The following TBC1D19 variants were observed in gnomAD, a reference collection of about 807,000 sequenced individuals.
The protein encoded by TBC1D19 is TBC1 domain family, member 19.
In TBC1D19, 60 loss-of-function variants were observed where a neutral mutation model predicts 89.0. The ratio of observed to expected loss-of-function variants is 0.67; its 90% confidence interval spans 0.55 to 0.84. TBC1D19 has a LOEUF of 0.84. TBC1D19 is among the 40% of genes least tolerant of loss of function. The pLI, the probability that TBC1D19 is intolerant of heterozygous loss-of-function variation, is 0.00. For missense variants in TBC1D19, 500 were observed against 610.8 expected (o/e 0.82, Z 1.91); for synonymous variants, 189 against 199.7 (o/e 0.95, Z 0.45).
At chr4:26,843,667 T>C in the TBC1D19 span, among the ~76,000 whole-genome samples, 24 of 152,106 alleles carry the variant, frequency 1.6e-4, no homozygotes, top group Non-Finnish European at 3.2e-4. Context: ...GATACGATCC[T>C]CAACTACCTT....
intron 4 of TBC1D19, among the ~76,000 whole-genome samples, chr4:26,628,154 C>G (rs955092354): frequency 3.3e-5 from 5 of 152,082 alleles, no homozygotes; most frequent in African/African-American, 1.2e-4. Flanking sequence ...ATCCTTTCCC[C>G]ATTGCTTGTT....
At chr4:26,670,111 G>A (rs1712160869) in intron 9 of TBC1D19, among the ~76,000 whole-genome samples, 1 of 151,566 alleles carries the variant, frequency 6.6e-6, no homozygotes, top group Non-Finnish European at 1.5e-5. Context: ...TGCTATTATA[G>A]TGTTCACTGA....
the TBC1D19 span, among the ~76,000 whole-genome samples, chr4:26,808,727 CAAAAAAAAA>C: frequency 1.1e-5 from 1 of 95,112 alleles, no homozygotes; most frequent in Non-Finnish European, 2.0e-5. Flanking sequence ...GACTCTGTCT[CAAAAAAAAA>C]AAAAAAAAAA....
At position 26,755,360 on chromosome 4, in the gene TBC1D19, T is replaced by C. The variant is rs1719208710; in HGVS notation, c.*413T>C. ...TTTATCTCTAGATAATGTATTGTTT[T>C]GTCTCATAAATTGCTCCTCACTAAG... On this transcript the variant is annotated 3_prime_UTR_variant, in exon 21 of 21. Coordinates refer to ENST00000264866, the MANE Select transcript of TBC1D19 (RefSeq NM_018317.4). 6.6e-6 allele frequency: 1 copy of C among 152,460 alleles called. No individual in the cohort carries two copies. The highest frequency in any genetic ancestry group is 6.5e-5 in the Admixed American group (1 of 15,268). The allele number at this position is 152,460 out of a possible 1,614,324, so 9.4% of individuals were successfully genotyped here. A position where few individuals can be genotyped will look rare whatever the true frequency, so the allele number is the denominator to read the frequency against.
intron 5 of TBC1D19, among the ~76,000 whole-genome samples, chr4:26,637,614 C>T (rs978260438): frequency 3.9e-5 from 6 of 152,026 alleles, no homozygotes; most frequent in African/African-American, 7.2e-5. Context: ...CATCATGATC[C>T]GCCCACCTTG....
the TBC1D19 span, among the ~76,000 whole-genome samples, chr4:26,796,004 C>T: frequency 6.6e-6 from 1 of 152,140 alleles, no homozygotes; most frequent in Non-Finnish European, 1.5e-5. Flanking sequence ...AATGTTAATA[C>T]TGTACACATT....
the TBC1D19 span, among the ~76,000 whole-genome samples, chr4:26,777,648 A>G: frequency 6.6e-6 from 1 of 151,572 alleles, no homozygotes; most frequent in Non-Finnish European, 1.5e-5. Flanking sequence ...AGGGTTTTGC[A>G]GTGTTGGCCA....
Position 26,637,363 on chromosome 4 carries a change from T to G in TBC1D19, c.369+78T>G, listed in dbSNP as rs551492834. The G allele has an allele frequency of 2.6e-6, 3 of 1,135,750 alleles. No individual in the cohort carries two copies. In the East Asian group the frequency reaches 7.4e-5, roughly 28 times the overall value. The allele number at this position is 1,135,750 out of a possible 1,614,324, so 70.4% of individuals were successfully genotyped here. ...AAGTATCATGAAGTTATATAACTGTTAGGCACATTTATTTATTTATTTATT... is the reference window on the plus strand; with the variant it reads ...AAGTATCATGAAGTTATATAACTGTGAGGCACATTTATTTATTTATTTATT... On this transcript the variant is annotated intron_variant, in intron 5 of 20. Transcript: ENST00000264866.
intron 4 of TBC1D19, among the ~76,000 whole-genome samples, chr4:26,629,467 G>A (rs572118976): frequency 6.6e-5 from 10 of 151,946 alleles, no homozygotes; most frequent in African/African-American, 2.4e-4. Flanking sequence ...TCCAACATCT[G>A]GCACAGTCCC....
chr4:26,725,413 T>C (rs543974009), intron 15 of TBC1D19, among the ~76,000 whole-genome samples: 18 of 152,232 alleles, frequency 1.2e-4, no homozygotes, highest in African/African-American at 4.1e-4. Flanking sequence ...TTTCTTTTTT[T>C]CTTTTTTTCT....
chr4:26,787,886 G>T, the TBC1D19 span, among the ~76,000 whole-genome samples: 4 of 152,184 alleles, frequency 2.6e-5, no homozygotes, highest in Non-Finnish European at 5.9e-5. Flanking sequence ...GCCCAGGACA[G>T]CTGCAGGACT....
chr4:26,585,204 CTA>C (rs1739338209), intron 1 of TBC1D19: 3 of 444,326 alleles, frequency 6.8e-6, no homozygotes, highest in Non-Finnish European at 1.4e-5. Context: ...ATGTTTCATT[CTA>C]TGAGAAACTG....
chr4:26,810,301 C>T, the TBC1D19 span, among the ~76,000 whole-genome samples: 2 of 152,154 alleles, frequency 1.3e-5, no homozygotes, highest in South Asian at 2.1e-4. Flanking sequence ...TACTTGCACT[C>T]GAATCTTTGT....
rs529760548 is a variant in TBC1D19, at chr4:26,645,859, C to G, written c.480+5672C>G. Among the ~76,000 whole-genome samples, 953 of 152,166 alleles carry G rather than the reference C, an allele frequency of 6.3e-3. 6 individuals carry two copies. Among genetic ancestry groups the G allele is most frequent in the African/African-American group, 0.022 (900 of 41,522 alleles). ...GGGCAAAGGGCCGGGCGCGGTGGCT[C>G]ACGCCTGTAATCCCAGCACTTTGGG... On this transcript the variant is annotated intron_variant, in intron 7 of 20. Transcript: ENST00000264866.
At chr4:26,668,644 C>A (rs555132752) in intron 9 of TBC1D19, among the ~76,000 whole-genome samples, 3 of 151,924 alleles carry the variant, frequency 2.0e-5, no homozygotes, top group African/African-American at 7.2e-5. Flanking sequence ...GTGTCTTTCA[C>A]TTCAATTAAG....
intron 11 of TBC1D19, among the ~76,000 whole-genome samples, chr4:26,676,852 G>A (rs1388537271): frequency 6.6e-6 from 1 of 152,116 alleles, no homozygotes; most frequent in East Asian, 1.9e-4. Context: ...TTTGTGGAGG[G>A]TCTTCTTTGT....
the TBC1D19 span, among the ~76,000 whole-genome samples, chr4:26,806,016 C>T: frequency 7.9e-5 from 12 of 152,200 alleles, no homozygotes; most frequent in East Asian, 3.9e-4. Flanking sequence ...TTCCTCACCA[C>T]GGCCTCAGAG....
intron 6 of TBC1D19, among the ~76,000 whole-genome samples, chr4:26,639,128 A>G (rs1047224590): frequency 6.6e-6 from 1 of 152,148 alleles, no homozygotes; most frequent in Non-Finnish European, 1.5e-5. Flanking sequence ...AGCTCACTTT[A>G]ACCTCAAGCT....
chr4:26,728,879 A>G (rs968120630), intron 15 of TBC1D19, among the ~76,000 whole-genome samples: 1 of 152,132 alleles, frequency 6.6e-6, no homozygotes, highest in Non-Finnish European at 1.5e-5. Flanking sequence ...GCCGGGCGTG[A>G]TGGCGGGCGC....
Sources: allele counts gnomAD v4.1 joint callset (sites outside exome capture counted in the v4.1 genomes callset), GRCh38; gene constraint gnomAD v4.1.1; transcripts MANE v1.5; gene names NCBI Gene and HGNC (gene_info 2026-07-23, HGNC 2026-07-21).